UBE2E2: variants seen among roughly 807,000 people sequenced by gnomAD.
UBE2E2 encodes the protein ubiquitin-conjugating enzyme E2 E2.
In UBE2E2, 6 loss-of-function variants were observed where a neutral mutation model predicts 24.7. The observed-to-expected ratio is 0.24, with a 90% CI of 0.13 to 0.48. The LOEUF (loss-of-function observed/expected upper bound fraction) is 0.48. Ranked by LOEUF, UBE2E2 falls within the 20% of genes least tolerant of loss-of-function variation. The probability of loss-of-function intolerance (pLI) is 0.99; values close to 1 mark genes in which losing one functional copy is unlikely to be tolerated. For missense variants in UBE2E2, 169 were observed against 245.0 expected (o/e 0.69, Z 2.07); for synonymous variants, 104 against 83.6 (o/e 1.24, Z -1.33).
chr3:23,236,423 G>C (rs757227272), intron 3 of UBE2E2, among the ~76,000 whole-genome samples: 1 of 151,050 alleles, frequency 6.6e-6, no homozygotes, highest in African/African-American at 2.4e-5. Flanking sequence ...AGTTCTGTTC[G>C]TCTGAATGTT....
chr3:23,223,013 T>TTCCC (rs1696698587), intron 3 of UBE2E2, among the ~76,000 whole-genome samples: 1 of 121,082 alleles, frequency 8.3e-6, no homozygotes, highest in African/African-American at 3.4e-5. Context: ...TTACATCTTT[T>TTCCC]GCCCCCCCCC....
chr3:23,515,120 GGTGTGTGTGTGTGTGT>G (rs58387270), intron 4 of UBE2E2, among the ~76,000 whole-genome samples: 4 of 148,116 alleles, frequency 2.7e-5, no homozygotes, highest in East Asian at 4.0e-4. Context: ...ATAAACTTGG[GGTGTGTGTGTGTGTGT>G]GTGTGTGTGT....
rs1696112609 is a variant in UBE2E2, at chr3:23,361,481, T to A, written c.228-138127T>A. On this transcript the variant is annotated intron_variant, in intron 3 of 5. Coordinates refer to ENST00000396703, the MANE Select transcript of UBE2E2 (RefSeq NM_152653.4). ...AAGAAAATGTGGTATATAGACACCA[T>A]GGACTACTACTCAGCCATTAAAAGG... 3.3e-5 allele frequency among the ~76,000 whole-genome samples: 5 copies of A among 152,330 alleles called. No homozygotes were observed. In the South Asian group the frequency reaches 1.0e-3, roughly 32 times the overall value.
intron 3 of UBE2E2, among the ~76,000 whole-genome samples, chr3:23,263,939 A>G (rs1697970762): frequency 6.6e-6 from 1 of 152,182 alleles, no homozygotes; most frequent in Non-Finnish European, 1.5e-5. Flanking sequence ...GACAACTCAG[A>G]CTAAGTTTTT....
At chr3:23,247,967 C>A in intron 3 of UBE2E2, among the ~76,000 whole-genome samples, 1 of 152,144 alleles carries the variant, frequency 6.6e-6, no homozygotes, top group Admixed American at 6.5e-5. Flanking sequence ...GATAATATTA[C>A]CATGTAAAAA....
At chr3:23,355,088 A>G (rs1311234455) in intron 3 of UBE2E2, among the ~76,000 whole-genome samples, 1 of 152,006 alleles carries the variant, frequency 6.6e-6, no homozygotes, top group Non-Finnish European at 1.5e-5. Context: ...AGGGACATGG[A>G]TGAAATTGGA....
At chr3:23,433,078 A>C (rs923253630) in intron 3 of UBE2E2, among the ~76,000 whole-genome samples, 22 of 151,960 alleles carry the variant, frequency 1.4e-4, no homozygotes, top group Non-Finnish European at 2.4e-4. Context: ...GGAAAAAATA[A>C]ATATTACTTT....
chr3:23,540,357 A>G (rs1695363380), intron 5 of UBE2E2, among the ~76,000 whole-genome samples: 1 of 151,914 alleles, frequency 6.6e-6, no homozygotes, highest in African/African-American at 2.4e-5. Flanking sequence ...TGCCCTGTGG[A>G]AGATAAGCCA....
intron 3 of UBE2E2, among the ~76,000 whole-genome samples, chr3:23,401,641 G>C (rs1697225101): frequency 6.6e-6 from 1 of 151,754 alleles, no homozygotes; most frequent in African/African-American, 2.4e-5. Flanking sequence ...AATTATATTG[G>C]TCCTGGGACA....
chr3:23,543,666 G>A (rs1695449891), intron 5 of UBE2E2, among the ~76,000 whole-genome samples: 1 of 152,088 alleles, frequency 6.6e-6, no homozygotes, highest in Non-Finnish European at 1.5e-5. Flanking sequence ...CAGATTCAGT[G>A]CAATTCCTAT....
chr3:23,236,820 G>A (rs1016476194), intron 3 of UBE2E2, among the ~76,000 whole-genome samples: 1 of 152,094 alleles, frequency 6.6e-6, no homozygotes, highest in African/African-American at 2.4e-5. Flanking sequence ...CATGACTTCT[G>A]CCTGTGTCTT....
intron 3 of UBE2E2, among the ~76,000 whole-genome samples, chr3:23,275,388 C>T (rs1025818324): frequency 2.0e-5 from 3 of 152,058 alleles, no homozygotes; most frequent in African/African-American, 7.2e-5. Flanking sequence ...TGAAATAGAC[C>T]AATTGTGCCT....
chr3:23,257,536 T>TG, intron 3 of UBE2E2, among the ~76,000 whole-genome samples: 1 of 112,938 alleles, frequency 8.9e-6, no homozygotes, highest in Non-Finnish European at 1.8e-5. Context: ...CCCACTTTTT[T>TG]TTTTTTTTTT....
intron 3 of UBE2E2, among the ~76,000 whole-genome samples, chr3:23,227,477 T>C (rs1020486876): frequency 2.8e-4 from 43 of 152,232 alleles, no homozygotes; most frequent in African/African-American, 1.0e-3. Flanking sequence ...AGAGGAGTTA[T>C]TAACATGATA....
chr3:23,354,644 G>A (rs931522475), intron 3 of UBE2E2, among the ~76,000 whole-genome samples: 2 of 152,130 alleles, frequency 1.3e-5, no homozygotes, highest in African/African-American at 4.8e-5. Flanking sequence ...ACCATCACTG[G>A]CCATCAAAGA....
chr3:23,295,523 A>G (rs551005941), intron 3 of UBE2E2, among the ~76,000 whole-genome samples: 3 of 152,316 alleles, frequency 2.0e-5, no homozygotes, highest in South Asian at 2.1e-4. Flanking sequence ...TCAACTTACT[A>G]TCATGTGGGG....
intron 3 of UBE2E2, among the ~76,000 whole-genome samples, chr3:23,486,835 C>T (rs34710747): frequency 0.27 from 41,421 of 152,044 alleles, 5,889 homozygotes; most frequent in East Asian, 0.36. Flanking sequence ...AAGCACCATT[C>T]GACTGGCTAA....
At chr3:23,233,547 T>C (rs1697025142) in intron 3 of UBE2E2, among the ~76,000 whole-genome samples, 1 of 152,196 alleles carries the variant, frequency 6.6e-6, no homozygotes, top group Non-Finnish European at 1.5e-5. Flanking sequence ...ATCCTAAACA[T>C]TGGAACAAAA....
chr3:23,345,048 G>C (rs150495715), intron 3 of UBE2E2, among the ~76,000 whole-genome samples: 10 of 152,074 alleles, frequency 6.6e-5, no homozygotes, highest in African/African-American at 4.8e-5. Flanking sequence ...AGGAGGAAAC[G>C]AATTTTGCCC....
Sources: allele counts gnomAD v4.1 joint callset (sites outside exome capture counted in the v4.1 genomes callset), GRCh38; gene constraint gnomAD v4.1.1; transcripts MANE v1.5; gene names NCBI Gene and HGNC (gene_info 2026-07-23, HGNC 2026-07-21).